The following BRMS1L variants were observed in gnomAD, a reference collection of about 807,000 sequenced individuals.
BRMS1L encodes the protein breast cancer metastasis-suppressor 1-like protein.
A neutral mutation model predicts 50.3 loss-of-function variants in BRMS1L; 23 were observed. The observed-to-expected ratio is 0.46, with a 90% CI of 0.33 to 0.65. BRMS1L has a LOEUF of 0.65. Among genes scored for constraint, BRMS1L ranks in the 30% least tolerant of loss-of-function variants. BRMS1L has a pLI of 0.02. For synonymous variants in BRMS1L, 114 were observed against 126.9 expected (o/e 0.90, Z 0.69); for missense variants, 286 against 386.1 (o/e 0.74, Z 2.17).
chr14:35,848,855 C>G (rs2078171443), intron 4 of BRMS1L, among the ~76,000 whole-genome samples: 1 of 152,074 alleles, frequency 6.6e-6, no homozygotes, highest in Non-Finnish European at 1.5e-5. Context: ...TCCATTCATC[C>G]ATTGATGGAC....
Position 35,826,644 on chromosome 14 carries a change from A to T in BRMS1L, c.128A>T (p.Asp43Val), listed in dbSNP as rs750534314. 9.9e-6 allele frequency: 16 copies of T among 1,612,360 alleles called. No individual in the cohort carries two copies. In the East Asian group the frequency reaches 3.6e-4, roughly 36 times the overall value. ...ACTGAGAGCTCGTCGGTCTCCGAGGATGGAGATAGCTCAGGTGCGCGACCC... is the reference window on the plus strand; with the variant it reads ...ACTGAGAGCTCGTCGGTCTCCGAGGTTGGAGATAGCTCAGGTGCGCGACCC... ...EDTESSSVSE[D>V]GDSSEMDDED... Residue 43 changes from aspartate to valine, a missense_variant, in exon 1 of 10, where the codon GAT becomes GTT. Coordinates refer to ENST00000216807, the MANE Select transcript of BRMS1L (RefSeq NM_032352.4).
chr14:35,860,579 T>TA (rs397852632), intron 4 of BRMS1L, among the ~76,000 whole-genome samples: 8,806 of 134,720 alleles, frequency 0.065, 468 homozygotes, highest in South Asian at 0.17. Flanking sequence ...GCAGTATGCT[T>TA]AAAAAAAAAA....
intron 8 of BRMS1L, among the ~76,000 whole-genome samples, chr14:35,867,216 T>C (rs375646407): frequency 6.6e-6 from 1 of 152,274 alleles, no homozygotes; most frequent in Admixed American, 6.5e-5. Context: ...TATATGTAGA[T>C]AAACAGTTAA....
chr14:35,863,940 A>G lies in BRMS1L; in HGVS notation c.609A>G (p.Pro203=), dbSNP rs761510182. Residue 203 remains proline, a synonymous_variant, in exon 6 of 10, where the codon CCA becomes CCG. Transcript: ENST00000216807. ...KDPFSPDKKK[P]VVVSGPYIVY... is the part of the protein sequence containing the mutation. ...CTTTCAGTCCTGACAAAAAGAAGCC[A>G]GTTGTTGTTTCAGATATCCTTTTCC... 2 of 1,613,752 alleles carry G rather than the reference A, an allele frequency of 1.2e-6. No homozygotes were observed. Among genetic ancestry groups the G allele is most frequent in the African/African-American group, 2.7e-5 (2 of 75,032 alleles).
chr14:35,863,065 G>A (rs1288062724), intron 5 of BRMS1L, among the ~76,000 whole-genome samples: 11 of 151,898 alleles, frequency 7.2e-5, no homozygotes, highest in Admixed American at 7.2e-4. Flanking sequence ...GAGCCATGAT[G>A]GCGCCACTGC....
At chr14:35,849,516 C>T (rs1332059750) in intron 4 of BRMS1L, among the ~76,000 whole-genome samples, 1 of 151,716 alleles carries the variant, frequency 6.6e-6, no homozygotes, top group Non-Finnish European at 1.5e-5. Flanking sequence ...CCAGGCTGGT[C>T]TCAAACTCCT....
At chr14:35,840,608 GTGTT>G (rs1398023909) in intron 4 of BRMS1L, among the ~76,000 whole-genome samples, 1 of 152,156 alleles carries the variant, frequency 6.6e-6, no homozygotes, top group African/African-American at 2.4e-5. Flanking sequence ...GAAGGTGTGT[GTGTT>G]CCGGAATTTA....
At chr14:35,832,854 C>G in intron 2 of BRMS1L, 124 bp from the exon 3 acceptor site, 1 of 889,922 alleles carries the variant, frequency 1.1e-6, no homozygotes, top group South Asian at 2.2e-5. Flanking sequence ...GAGATCAAGG[C>G]AAAATATATT....
chr14:35,869,115 TA>T (rs2142066974), intron 9 of BRMS1L, among the ~76,000 whole-genome samples: 1 of 152,342 alleles, frequency 6.6e-6, no homozygotes, highest in South Asian at 2.1e-4. Context: ...TTTAAATTTT[TA>T]GGATTCCAGG....
intron 8 of BRMS1L, 55 bp from the exon 9 acceptor site, chr14:35,867,851 T>C: frequency 4.7e-6 from 7 of 1,499,292 alleles, no homozygotes; most frequent in Non-Finnish European, 6.2e-6. Context: ...TTCTGACCCT[T>C]TGTTCTTCTG....
At chr14:35,845,129 C>T (rs2078116613) in intron 4 of BRMS1L, among the ~76,000 whole-genome samples, 1 of 152,162 alleles carries the variant, frequency 6.6e-6, no homozygotes, top group South Asian at 2.1e-4. Flanking sequence ...AATTTGCATG[C>T]AGATTTTCTT....
At chr14:35,848,021 A>G (rs2078159757) in intron 4 of BRMS1L, among the ~76,000 whole-genome samples, 1 of 152,222 alleles carries the variant, frequency 6.6e-6, no homozygotes, top group Non-Finnish European at 1.5e-5. Flanking sequence ...ATGTGGGAGT[A>G]CAAATATTTC....
intron 8 of BRMS1L, among the ~76,000 whole-genome samples, chr14:35,866,583 T>C (rs1019040558): frequency 6.6e-6 from 1 of 152,116 alleles, no homozygotes; most frequent in African/African-American, 2.4e-5. Flanking sequence ...TGTGTACTTG[T>C]AGTCTCAGCC....
intron 4 of BRMS1L, among the ~76,000 whole-genome samples, chr14:35,846,901 T>C (rs529717331): frequency 9.2e-5 from 14 of 152,296 alleles, no homozygotes; most frequent in Admixed American, 3.3e-4. Flanking sequence ...GTCTACTTTA[T>C]CTTTCCCTTA....
intron 4 of BRMS1L, among the ~76,000 whole-genome samples, chr14:35,848,463 G>A (rs1405708530): frequency 6.6e-6 from 1 of 152,088 alleles, no homozygotes; most frequent in Non-Finnish European, 1.5e-5. Context: ...AGCCTTCCAA[G>A]TAGCTGGGAC....
In BRMS1L at chr14:35,865,747, G is replaced by C; in HGVS notation, c.713G>C (p.Arg238Thr). 1 of 1,597,686 alleles carries C rather than the reference G, an allele frequency of 6.3e-7. No homozygotes were observed. ...RKAMATLGPH[R>T]VKTEPPVKLE... ...GCAATGGCTACATTGGGGCCACACA[G>C]AGTGAAAACGGAACGTAAGTCATTT... is the stretch of plus-strand genomic sequence containing the variant. The change falls in exon 8 of 10, where the codon AGA (arginine) becomes ACA (threonine). Residue 238 changes from arginine to threonine, a missense_variant. By Grantham distance (71) the Arg-to-Thr change is moderately conservative. Transcript: ENST00000216807.
At chr14:35,865,042 CT>C (rs752722433) in intron 7 of BRMS1L, 43 bp downstream of exon 7, 1 of 1,349,632 alleles carries the variant, frequency 7.4e-7, no homozygotes, top group South Asian at 1.4e-5. Context: ...TTTTTATAGT[CT>C]ACTTTTTAAG....
At chr14:35,841,703 A>G (rs1467043331) in intron 4 of BRMS1L, among the ~76,000 whole-genome samples, 1 of 152,236 alleles carries the variant, frequency 6.6e-6, no homozygotes, top group African/African-American at 2.4e-5. Context: ...TCCTTGGTCC[A>G]GAGCTGAGTT....
At chr14:35,858,391 C>T (rs2078308843) in intron 4 of BRMS1L, among the ~76,000 whole-genome samples, 3 of 152,156 alleles carry the variant, frequency 2.0e-5, no homozygotes, top group Admixed American at 2.0e-4. Flanking sequence ...TCCCCTTCAC[C>T]TCTCCTCTGC....
Sources: allele counts gnomAD v4.1 joint callset (sites outside exome capture counted in the v4.1 genomes callset), GRCh38; gene constraint gnomAD v4.1.1; transcripts MANE v1.5; gene names NCBI Gene and HGNC (gene_info 2026-07-23, HGNC 2026-07-21).